Variants in RGS6 observed in about 807,000 individuals in gnomAD.
RGS6 encodes the protein regulator of G protein signaling 6, also known as regulator of G-protein signaling 6.
In RGS6, 30 loss-of-function variants were observed where a neutral mutation model predicts 78.5. The ratio of observed to expected loss-of-function variants is 0.38; its 90% confidence interval spans 0.29 to 0.52. The LOEUF (loss-of-function observed/expected upper bound fraction) is 0.52. Ranked by LOEUF, RGS6 falls within the 20% of genes least tolerant of loss-of-function variation. The pLI, the probability that RGS6 is intolerant of heterozygous loss-of-function variation, is 0.85. For synonymous variants in RGS6, 206 were observed against 206.0 expected, an observed-to-expected ratio of 1.00 and a Z score of 0.00; for missense variants, 495 against 609.7, an observed-to-expected ratio of 0.81 and a Z score of 1.98.
At chr14:71,976,047 C>G (rs1413274694) in intron 2 of RGS6, among the ~76,000 whole-genome samples, 4 of 151,784 alleles carry the variant, frequency 2.6e-5, no homozygotes, top group Non-Finnish European at 5.9e-5. Context: ...TTTTTAAGTT[C>G]TAAAATTTTC....
At chr14:72,391,190 A>T (rs2089894437) in intron 3 of RGS6, among the ~76,000 whole-genome samples, 3 of 152,236 alleles carry the variant, frequency 2.0e-5, no homozygotes, top group Non-Finnish European at 4.4e-5. Context: ...TTCTACAGAC[A>T]CTAATTTATT....
chr14:72,308,276 T>G (rs1275078544), intron 2 of RGS6, among the ~76,000 whole-genome samples: 1 of 152,182 alleles, frequency 6.6e-6, no homozygotes, highest in Non-Finnish European at 1.5e-5. Context: ...CCGCAAATAT[T>G]GAGTATCCAT....
At chr14:72,039,983 C>T (rs1453913822) in intron 2 of RGS6, among the ~76,000 whole-genome samples, 1 of 151,862 alleles carries the variant, frequency 6.6e-6, no homozygotes, top group Admixed American at 6.6e-5. Flanking sequence ...ACATAAAATT[C>T]CTTTACATCC....
chr14:72,206,598 C>T (rs1252894017), intron 2 of RGS6, among the ~76,000 whole-genome samples: 5 of 151,922 alleles, frequency 3.3e-5, no homozygotes, highest in Non-Finnish European at 7.4e-5. Flanking sequence ...ACAGTCATGG[C>T]GGGAGGAAAG....
the RGS6 span, among the ~76,000 whole-genome samples, chr14:71,921,628 G>A: frequency 6.6e-6 from 1 of 152,326 alleles, no homozygotes; most frequent in African/African-American, 2.4e-5. Flanking sequence ...AATACCGCAT[G>A]ATCTCACTTA....
intron 2 of RGS6, among the ~76,000 whole-genome samples, chr14:72,058,375 CT>C (rs995346404): frequency 6.6e-6 from 1 of 151,672 alleles, no homozygotes; most frequent in East Asian, 1.9e-4. Context: ...TTGAGGGTGC[CT>C]TTTTTTTGGT....
At chr14:72,560,797 C>T (rs996558992) in intron 17 of RGS6, among the ~76,000 whole-genome samples, 6 of 141,224 alleles carry the variant, frequency 4.2e-5, no homozygotes, top group South Asian at 2.4e-4. Flanking sequence ...ATTTTGTGGA[C>T]GTGTGTGTGT....
At chr14:71,967,031 A>G (rs957826534) in intron 2 of RGS6, among the ~76,000 whole-genome samples, 1 of 152,048 alleles carries the variant, frequency 6.6e-6, no homozygotes, top group Non-Finnish European at 1.5e-5. Context: ...AACTTCCTGC[A>G]GGTTTATGAG....
chr14:72,476,380 A>G (rs1301611087), intron 10 of RGS6, among the ~76,000 whole-genome samples: 3 of 152,202 alleles, frequency 2.0e-5, no homozygotes, highest in Non-Finnish European at 4.4e-5. Flanking sequence ...AAACCCACCC[A>G]CAAAGATTCT....
At chr14:71,923,787 A>T in the RGS6 span, among the ~76,000 whole-genome samples, 1 of 151,938 alleles carries the variant, frequency 6.6e-6, no homozygotes, top group Non-Finnish European at 1.5e-5. Context: ...GCCAGGGAGG[A>T]GGGAGGTGAT....
At chr14:72,486,097 G>A (rs554622292) in intron 12 of RGS6, among the ~76,000 whole-genome samples, 12 of 80,922 alleles carry the variant, frequency 1.5e-4, no homozygotes, top group African/African-American at 7.9e-4. Flanking sequence ...CTTTATAAAG[G>A]GCTTCCCCCC....
intron 8 of RGS6, among the ~76,000 whole-genome samples, chr14:72,471,559 G>A (rs889896619): frequency 1.1e-4 from 16 of 152,158 alleles, no homozygotes; most frequent in Non-Finnish European, 1.9e-4. Flanking sequence ...GCCTGGAGCC[G>A]GGTCTCAGGC....
intron 2 of RGS6, among the ~76,000 whole-genome samples, chr14:72,180,690 G>C (rs1025460968): frequency 6.6e-6 from 1 of 152,246 alleles, no homozygotes; most frequent in Admixed American, 6.5e-5. Context: ...TTAGGAGCTT[G>C]GTTGCCTTTG....
intron 2 of RGS6, among the ~76,000 whole-genome samples, chr14:72,067,653 TAA>T (rs1447948144): frequency 1.3e-5 from 2 of 152,200 alleles, no homozygotes; most frequent in African/African-American, 4.8e-5. Flanking sequence ...TGCCTCCTAT[TAA>T]GTCTTGATAA....
intron 2 of RGS6, among the ~76,000 whole-genome samples, chr14:72,026,958 A>G (rs74060456): frequency 0.035 from 5,338 of 152,194 alleles, 104 homozygotes; most frequent in African/African-American, 0.048. Flanking sequence ...AGGTTTATGA[A>G]GAGACCTATA....
the RGS6 span, among the ~76,000 whole-genome samples, chr14:71,887,548 T>C: frequency 6.6e-6 from 1 of 150,768 alleles, no homozygotes; most frequent in Admixed American, 6.6e-5. Context: ...TATAAATGGC[T>C]GCTCTGGGAA....
intron 2 of RGS6, among the ~76,000 whole-genome samples, chr14:72,105,575 T>A (rs2095616483): frequency 6.6e-6 from 1 of 152,164 alleles, no homozygotes; most frequent in South Asian, 2.1e-4. Flanking sequence ...TATTTACTAC[T>A]GCTGCTTTTT....
intron 2 of RGS6, among the ~76,000 whole-genome samples, chr14:72,317,314 T>C (rs2070572819): frequency 6.6e-6 from 1 of 152,152 alleles, no homozygotes; most frequent in Admixed American, 6.5e-5. Flanking sequence ...ATGAAATATA[T>C]AACAACTGAG....
In RGS6 at chr14:72,562,319, C is replaced by A. The variant is rs1194570895; in HGVS notation, c.1423-98C>A. The A allele has an allele frequency of 7.9e-6, 10 of 1,267,874 alleles. No individual in the cohort carries two copies. In the Admixed American group the frequency reaches 1.2e-4, roughly 15 times the overall value. 78.5% of individuals were successfully genotyped at this position (1,267,874 alleles called of 1,614,324 possible). ...TTGGGTTGGTTGGTCGTTTGGCCTA[C>A]ATGGCTCATGCAACAATTAATTCAC... On this transcript the variant is annotated intron_variant, in intron 17 of 17. Transcript: ENST00000553525.
Sources: gnomAD v4.1 joint callset for allele counts (sites outside exome capture counted in the v4.1 genomes callset) on GRCh38, gnomAD v4.1.1 for gene constraint, MANE v1.5 for transcripts, NCBI Gene and HGNC (gene_info 2026-07-23, HGNC 2026-07-21) for gene names.